The following DAB1 variants were observed in gnomAD, a reference collection of about 807,000 sequenced individuals.
The protein encoded by DAB1 is DAB adaptor protein 1.
A neutral mutation model predicts 64.6 loss-of-function variants in DAB1; 15 were observed. That is an observed-to-expected ratio of 0.23 (90% CI 0.16 to 0.36). The LOEUF (loss-of-function observed/expected upper bound fraction) is 0.36. Among genes scored for constraint, DAB1 ranks in the 10% least tolerant of loss-of-function variants. The probability of loss-of-function intolerance (pLI) is 1.00; values close to 1 mark genes in which losing one functional copy is unlikely to be tolerated. For missense variants in DAB1, 596 were observed against 706.7 expected, an observed-to-expected ratio of 0.84 and a Z score of 1.78; for synonymous variants, 235 against 251.9, an observed-to-expected ratio of 0.93 and a Z score of 0.64.
At chr1:57,805,489 G>T (rs1651318900) in intron 6 of DAB1, among the ~76,000 whole-genome samples, 1 of 152,202 alleles carries the variant, frequency 6.6e-6, no homozygotes, top group Non-Finnish European at 1.5e-5. Flanking sequence ...AATGCTGTGA[G>T]GGAGGAGTAT....
intron 3 of DAB1, among the ~76,000 whole-genome samples, chr1:58,487,562 C>T (rs745864803): frequency 4.6e-5 from 7 of 152,152 alleles, no homozygotes; most frequent in Non-Finnish European, 7.4e-5. Flanking sequence ...CTCTGAACTT[C>T]TGAAAAAATT....
At chr1:57,536,210 C>T (rs1010448373) in intron 7 of DAB1, among the ~76,000 whole-genome samples, 1 of 152,206 alleles carries the variant, frequency 6.6e-6, no homozygotes, top group Non-Finnish European at 1.5e-5. Flanking sequence ...ATATATCACA[C>T]AGACCCTGGC....
chr1:58,229,725 C>T (rs1019414543), intron 4 of DAB1, among the ~76,000 whole-genome samples: 1 of 152,198 alleles, frequency 6.6e-6, no homozygotes, highest in Non-Finnish European at 1.5e-5. Context: ...TAAGCACAGG[C>T]CTGGCCTCCA....
chr1:57,171,508 ATGT>A (rs67264551), intron 2 of DAB1, among the ~76,000 whole-genome samples: 47,906 of 151,732 alleles, frequency 0.32, 9,224 homozygotes, highest in Non-Finnish European at 0.42. Context: ...ACTTTAAATA[ATGT>A]TGTTTCAAAA....
At chr1:58,059,616 C>T (rs1332554934) in intron 5 of DAB1, among the ~76,000 whole-genome samples, 1 of 152,152 alleles carries the variant, frequency 6.6e-6, no homozygotes, top group Non-Finnish European at 1.5e-5. Context: ...ACTATGGGGG[C>T]TACAAAGGAA....
intron 7 of DAB1, among the ~76,000 whole-genome samples, chr1:57,580,271 CACA>C (rs1298933862): frequency 1.3e-5 from 2 of 152,090 alleles, no homozygotes; most frequent in Non-Finnish European, 2.9e-5. Context: ...ATACAAAAAC[CACA>C]ACAATAAGGC....
chr1:58,498,794 T>G (rs551935861), intron 3 of DAB1, among the ~76,000 whole-genome samples: 36 of 151,644 alleles, frequency 2.4e-4, no homozygotes, highest in Non-Finnish European at 4.4e-4. Context: ...TGATTTCATC[T>G]TTTAAAAAAA....
chr1:57,007,537 G>A (rs762237202), intron 14 of DAB1, among the ~76,000 whole-genome samples: 2 of 152,174 alleles, frequency 1.3e-5, no homozygotes, highest in Non-Finnish European at 2.9e-5. Flanking sequence ...AGTAATTGAA[G>A]ATACTTTCCT....
At chr1:57,478,536 C>T (rs1251149381) in intron 7 of DAB1, among the ~76,000 whole-genome samples, 1 of 150,540 alleles carries the variant, frequency 6.6e-6, no homozygotes, top group Non-Finnish European at 1.5e-5. Flanking sequence ...ATAATAGATG[C>T]TCTCTTAACC....
intron 1 of DAB1, among the ~76,000 whole-genome samples, chr1:58,529,416 C>T (rs1646399150): frequency 6.6e-6 from 1 of 152,162 alleles, no homozygotes; most frequent in Admixed American, 6.5e-5. Context: ...GATTGCAAGA[C>T]CTACTTTCAG....
chr1:58,494,796 T>C (rs541512826), intron 3 of DAB1, among the ~76,000 whole-genome samples: 32 of 152,210 alleles, frequency 2.1e-4, no homozygotes, highest in South Asian at 6.2e-4. Flanking sequence ...TGTGGAGAAA[T>C]AGGAACACCT....
At chr1:57,804,334 C>T (rs1651264393) in intron 6 of DAB1, among the ~76,000 whole-genome samples, 1 of 152,162 alleles carries the variant, frequency 6.6e-6, no homozygotes, top group African/African-American at 2.4e-5. Flanking sequence ...TTCTTACCAC[C>T]AATCACTTCT....
At chr1:57,556,089 A>T (rs1644984940) in intron 7 of DAB1, among the ~76,000 whole-genome samples, 2 of 152,220 alleles carry the variant, frequency 1.3e-5, no homozygotes, top group South Asian at 4.1e-4. Flanking sequence ...TGCTTTAAGC[A>T]AGGAGCAAGA....
chr1:57,198,669 A>T (rs1469909139), intron 2 of DAB1, among the ~76,000 whole-genome samples: 85 of 151,114 alleles, frequency 5.6e-4, no homozygotes, highest in African/African-American at 1.5e-3. Flanking sequence ...ACACACACAC[A>T]CACACACACA....
intron 2 of DAB1, among the ~76,000 whole-genome samples, chr1:57,287,325 T>TA (rs1672397091): frequency 6.6e-6 from 1 of 152,224 alleles, no homozygotes; most frequent in Non-Finnish European, 1.5e-5. Flanking sequence ...TCCACCCACC[T>TA]TAGCCTCCCA....
intron 4 of DAB1, among the ~76,000 whole-genome samples, chr1:58,241,364 T>C (rs1269964411): frequency 6.9e-6 from 1 of 143,918 alleles, no homozygotes; most frequent in African/African-American, 2.7e-5. Flanking sequence ...CATTGTTAAA[T>C]GAAATACATT....
At chr1:58,266,190 T>C (rs771018693) in intron 4 of DAB1, among the ~76,000 whole-genome samples, 3 of 152,222 alleles carry the variant, frequency 2.0e-5, no homozygotes, top group Non-Finnish European at 4.4e-5. Context: ...CATGCTAGTC[T>C]GATGCTATTG....
At chr1:58,139,796 T>C (rs1654173697) in intron 5 of DAB1, among the ~76,000 whole-genome samples, 1 of 152,218 alleles carries the variant, frequency 6.6e-6, no homozygotes, top group Non-Finnish European at 1.5e-5. Context: ...ATGACTTAAT[T>C]GCATTCAAAC....
intron 5 of DAB1, among the ~76,000 whole-genome samples, chr1:58,053,294 C>T (rs1431010114): frequency 2.0e-5 from 3 of 152,178 alleles, no homozygotes; most frequent in Non-Finnish European, 4.4e-5. Flanking sequence ...ATTTGGCTCA[C>T]AATTCTGATG....
Sources: gnomAD v4.1 joint callset for allele counts (sites outside exome capture counted in the v4.1 genomes callset) on GRCh38, gnomAD v4.1.1 for gene constraint, MANE v1.5 for transcripts, NCBI Gene and HGNC (gene_info 2026-07-23, HGNC 2026-07-21) for gene names.